Variants in CCDC30 observed in about 807,000 individuals in gnomAD.
The protein encoded by CCDC30 is coiled-coil domain-containing protein 30.
A neutral mutation model predicts 100.2 loss-of-function variants in CCDC30; 70 were observed. That is an observed-to-expected ratio of 0.70 (90% CI 0.58 to 0.85). The LOEUF (loss-of-function observed/expected upper bound fraction) is 0.85. CCDC30 is among the 40% of genes least tolerant of loss of function. The pLI, the probability that CCDC30 is intolerant of heterozygous loss-of-function variation, is 0.00. For missense variants in CCDC30, 652 were observed against 771.2 expected, an observed-to-expected ratio of 0.85 and a Z score of 1.83; for synonymous variants, 233 against 269.5, an observed-to-expected ratio of 0.86 and a Z score of 1.33.
chr1:42,486,417 C>T (rs1644051742), intron 3 of CCDC30, among the ~76,000 whole-genome samples: 1 of 152,168 alleles, frequency 6.6e-6, no homozygotes, highest in Non-Finnish European at 1.5e-5. Flanking sequence ...GCTCACTGTG[C>T]CTAAGCTGTT....
chr1:42,605,872 A>C (rs1646491731), intron 10 of CCDC30, among the ~76,000 whole-genome samples: 1 of 152,212 alleles, frequency 6.6e-6, no homozygotes, highest in African/African-American at 2.4e-5. Context: ...CAGCCTATTT[A>C]ACATTACACT....
chr1:42,637,257 A>G, exon 12 of CCDC30: 1 of 1,584,638 alleles, frequency 6.3e-7, no homozygotes. Context: ...GAGAAACATC[A>G]CCAACAAAAA....
intron 8 of CCDC30, among the ~76,000 whole-genome samples, chr1:42,577,902 A>G (rs1306383133): frequency 6.6e-6 from 1 of 152,124 alleles, no homozygotes; most frequent in Non-Finnish European, 1.5e-5. Flanking sequence ...GGCCTCCCAA[A>G]GTGCTGGGAT....
intron 6 of CCDC30, among the ~76,000 whole-genome samples, chr1:42,501,722 C>T (rs1359547548): frequency 1.3e-5 from 2 of 152,054 alleles, no homozygotes; most frequent in African/African-American, 4.8e-5. Context: ...GAGGTCCACT[C>T]CAGACCCTGT....
At chr1:42,491,399 T>G (rs192686298) in intron 4 of CCDC30, among the ~76,000 whole-genome samples, 1 of 151,066 alleles carries the variant, frequency 6.6e-6, no homozygotes, top group African/African-American at 2.4e-5. Flanking sequence ...AATCTAAAAA[T>G]CAAAACAGTT....
At chr1:42,495,315 A>G (rs917580816) in intron 4 of CCDC30, among the ~76,000 whole-genome samples, 17 of 151,826 alleles carry the variant, frequency 1.1e-4, no homozygotes, top group Non-Finnish European at 2.4e-4. Context: ...GTGAGAACAC[A>G]TGGACACAGG....
At chr1:42,479,168 G>T (rs1287399480) in intron 1 of CCDC30, among the ~76,000 whole-genome samples, 13 of 152,150 alleles carry the variant, frequency 8.5e-5, no homozygotes, top group Non-Finnish European at 2.9e-5. Context: ...CGGAGGTCAA[G>T]AGTTCAAGAC....
chr1:42,578,098 G>C (rs1645881131), intron 8 of CCDC30, among the ~76,000 whole-genome samples: 1 of 152,112 alleles, frequency 6.6e-6, no homozygotes, highest in Non-Finnish European at 1.5e-5. Flanking sequence ...CCCGACACTA[G>C]GTGGCAGTAG....
At chr1:42,538,464 G>A (rs1156863465) in intron 6 of CCDC30, among the ~76,000 whole-genome samples, 1 of 151,790 alleles carries the variant, frequency 6.6e-6, no homozygotes, top group Non-Finnish European at 1.5e-5. Context: ...GTCCATCATG[G>A]CACCCTTATA....
chr1:42,576,131 T>A (rs932011710), intron 7 of CCDC30, among the ~76,000 whole-genome samples: 2 of 152,236 alleles, frequency 1.3e-5, no homozygotes, highest in Admixed American at 1.3e-4. Context: ...GTTCAATTTA[T>A]GTTTTTAAAA....
intron 6 of CCDC30, among the ~76,000 whole-genome samples, chr1:42,524,733 A>G (rs1401264263): frequency 6.6e-6 from 1 of 152,240 alleles, no homozygotes. Context: ...TGCAGGGCTA[A>G]GAGCTTAAAC....
rs113109991 is a variant in CCDC30, at chr1:42,628,334, T to C, written c.1278-8903T>C. ...GCTTGCTTTTGATTTTACAGGCTCATAGGCAGAAGGGACTTGCCTTGTTTC... is the reference window on the plus strand; with the variant it reads ...GCTTGCTTTTGATTTTACAGGCTCACAGGCAGAAGGGACTTGCCTTGTTTC... On this transcript the variant is annotated intron_variant, in intron 11 of 16. Coordinates refer to ENST00000668663, the Ensembl canonical transcript of CCDC30. Among the ~76,000 whole-genome samples, 982 of 152,306 alleles carry C rather than the reference T, an allele frequency of 6.4e-3. 12 individuals carry two copies. Among genetic ancestry groups the C allele is most frequent in the African/African-American group, 0.023 (945 of 41,578 alleles).
At chr1:42,597,248 T>G (rs1646307768) in intron 10 of CCDC30, among the ~76,000 whole-genome samples, 1 of 152,134 alleles carries the variant, frequency 6.6e-6, no homozygotes, top group South Asian at 2.1e-4. Flanking sequence ...AAGACATATT[T>G]GAAATAATAA....
At chr1:42,476,516 C>T (rs1643883085) in intron 1 of CCDC30, among the ~76,000 whole-genome samples, 2 of 151,884 alleles carry the variant, frequency 1.3e-5, no homozygotes, top group Admixed American at 6.6e-5. Context: ...CATGGAGAAA[C>T]CCTGTCTCTA....
intron 6 of CCDC30, among the ~76,000 whole-genome samples, chr1:42,503,958 G>C (rs1009408869): frequency 2.0e-5 from 3 of 152,116 alleles, no homozygotes; most frequent in Non-Finnish European, 2.9e-5. Context: ...GGGAAAGCAG[G>C]GGTCTCACAG....
chr1:42,470,601 G>T (rs1643738115), intron 1 of CCDC30, among the ~76,000 whole-genome samples: 1 of 152,184 alleles, frequency 6.6e-6, no homozygotes, highest in Non-Finnish European at 1.5e-5. Context: ...AATGTGCTAT[G>T]TACATACAAT....
At chr1:42,488,768 G>A (rs1644090876) in intron 3 of CCDC30, among the ~76,000 whole-genome samples, 1 of 152,156 alleles carries the variant, frequency 6.6e-6, no homozygotes, top group African/African-American at 2.4e-5. Flanking sequence ...TGGCAATTAA[G>A]TCAAATGTTT....
intron 11 of CCDC30, among the ~76,000 whole-genome samples, chr1:42,632,872 C>T (rs999114196): frequency 3.3e-5 from 5 of 151,980 alleles, no homozygotes; most frequent in African/African-American, 1.2e-4. Context: ...ATGCAGTACA[C>T]GATCTCAGCT....
intron 11 of CCDC30, among the ~76,000 whole-genome samples, chr1:42,632,160 GGGTCC>G: frequency 6.6e-6 from 1 of 152,140 alleles, no homozygotes; most frequent in Non-Finnish European, 1.5e-5. Context: ...TGGTTACTCA[GGGTCC>G]AAGGGCTCTT....
Sources: allele counts gnomAD v4.1 joint callset (sites outside exome capture counted in the v4.1 genomes callset), GRCh38; gene constraint gnomAD v4.1.1; transcripts MANE v1.5; gene names NCBI Gene and HGNC (gene_info 2026-07-23, HGNC 2026-07-21).